FRMPD4: variants seen among roughly 807,000 people sequenced by gnomAD.
FRMPD4 encodes the protein FERM and PDZ domain-containing protein 4.
Under a neutral mutation model 94.1 loss-of-function variants are expected in FRMPD4, and 22 were observed. That is an observed-to-expected ratio of 0.23 (90% CI 0.17 to 0.33). The LOEUF is 0.33. FRMPD4 is among the 10% of genes least tolerant of loss of function. FRMPD4 has a pLI of 1.00. For missense variants in FRMPD4, 1,111 were observed against 1,339.9 expected (o/e 0.83, Z 2.67); for synonymous variants, 631 against 548.6 (o/e 1.15, Z -2.10).
chrX:12,145,106 T>A (rs780583941), intron 1 of FRMPD4, among the ~76,000 whole-genome samples: 1 of 111,674 alleles, frequency 9.0e-6, no homozygotes, highest in East Asian at 2.8e-4. Context: ...TAATTGAAAA[T>A]AAGAACATGA....
At chrX:12,243,017 G>A (rs974527468) in intron 1 of FRMPD4, among the ~76,000 whole-genome samples, 3 of 112,320 alleles carry the variant, frequency 2.7e-5, no homozygotes, top group African/African-American at 9.7e-5. Context: ...AGAATTATAG[G>A]CATGAGCCAC....
At chrX:12,305,561 C>CT (rs5901471) in intron 1 of FRMPD4, among the ~76,000 whole-genome samples, 6 of 90,009 alleles carry the variant, frequency 6.7e-5, no homozygotes, top group African/African-American at 2.5e-4. Context: ...TTCCATAATC[C>CT]TTTTTTTTTT....
At chrX:12,082,814 T>C (rs1003357960) in intron 3 of FRMPD4, among the ~76,000 whole-genome samples, 3 of 111,895 alleles carry the variant, frequency 2.7e-5, no homozygotes, top group Middle Eastern at 4.6e-3. Context: ...TAGCGGCATT[T>C]TCCCCCTGCC....
At chrX:12,065,648 G>A (rs1387842745) in intron 3 of FRMPD4, among the ~76,000 whole-genome samples, 3 of 111,799 alleles carry the variant, frequency 2.7e-5, no homozygotes, top group Non-Finnish European at 5.6e-5. Context: ...TTCTGCTTTT[G>A]GTTTGGTGGT....
At chrX:12,129,720 T>C (rs2055532413) in intron 3 of FRMPD4, among the ~76,000 whole-genome samples, 1 of 111,739 alleles carries the variant, frequency 8.9e-6, no homozygotes, top group African/African-American at 3.3e-5. Flanking sequence ...ATACATGTGT[T>C]TGAGGACTTC....
intron 2 of FRMPD4, among the ~76,000 whole-genome samples, chrX:12,599,369 T>C (rs1008868510): frequency 1.8e-5 from 2 of 111,852 alleles, no homozygotes; most frequent in African/African-American, 6.5e-5. Flanking sequence ...GCAATAATTA[T>C]GTTCTCTGTA....
intron 3 of FRMPD4, among the ~76,000 whole-genome samples, chrX:12,046,965 A>G (rs897923456): frequency 1.8e-5 from 2 of 111,414 alleles, no homozygotes; most frequent in Non-Finnish European, 3.8e-5. Context: ...CCTATCAAAC[A>G]AAAGATCCAC....
At chrX:11,919,724 T>C (rs1442630146) in intron 3 of FRMPD4, among the ~76,000 whole-genome samples, 5 of 111,389 alleles carry the variant, frequency 4.5e-5, no homozygotes, top group Admixed American at 9.5e-5. Flanking sequence ...ACTGCCTCAT[T>C]GTACTCAATT....
At chrX:12,111,053 A>G (rs1337691302) in intron 3 of FRMPD4, among the ~76,000 whole-genome samples, 15 of 111,602 alleles carry the variant, frequency 1.3e-4, no homozygotes, top group African/African-American at 2.0e-4. Flanking sequence ...TTTCTTCACA[A>G]AATTGGAAAA....
At chrX:12,402,281 G>C (rs1042906577) in intron 1 of FRMPD4, among the ~76,000 whole-genome samples, 3 of 111,262 alleles carry the variant, frequency 2.7e-5, no homozygotes, top group Non-Finnish European at 3.8e-5. Context: ...GAGTGATCAG[G>C]GAAGAAGTCT....
At chrX:12,084,894 A>G (rs2055094715) in intron 3 of FRMPD4, among the ~76,000 whole-genome samples, 1 of 112,239 alleles carries the variant, frequency 8.9e-6, no homozygotes, top group Non-Finnish European at 1.9e-5. Flanking sequence ...GTGACATTTT[A>G]AATTTTGGTA....
chrX:12,473,117 G>A lies in FRMPD4; in HGVS notation c.42-25563G>A, dbSNP rs1449314983. ...CCATCAGACTAACAGCTGATCTCTC[G>A]GCAGAAACTCTACAAGCCAGAAGAG... On this transcript the variant is annotated intron_variant, in intron 1 of 16. Coordinates refer to ENST00000675598, the MANE Select transcript of FRMPD4 (RefSeq NM_001368397.1). Among the ~76,000 whole-genome samples the A allele has an allele frequency of 1.2e-3, 127 of 103,151 alleles. 9 individuals carry two copies. The highest frequency in any genetic ancestry group is 4.5e-3 in the African/African-American group (120 of 26,699). The allele number at this position is 103,151 out of a possible 115,157, so 89.6% of individuals were successfully genotyped here. A position where few individuals can be genotyped will look rare whatever the true frequency, so the allele number is the denominator to read the frequency against.
intron 3 of FRMPD4, among the ~76,000 whole-genome samples, chrX:12,056,593 A>G (rs1006922924): frequency 8.9e-6 from 1 of 111,792 alleles, no homozygotes; most frequent in African/African-American, 3.2e-5. Context: ...ACAGGAGGGC[A>G]GGAGAAGGTC....
In FRMPD4 at chrX:12,716,610, A is replaced by G; in HGVS notation, c.2151A>G (p.Ala717=). 1 of 1,211,622 alleles carries G rather than the reference A, an allele frequency of 8.3e-7. No individual in the cohort carries two copies. Among genetic ancestry groups the G allele is most frequent in the African/African-American group, 1.7e-5 (1 of 57,793 alleles). The change falls in exon 15 of 17, where the codon GCA becomes GCG. Residue 717 remains alanine (A), a synonymous_variant. Transcript: ENST00000675598. ...AGTTTGTGGAAAATTCTGTTTATGC[A>G]AACATAGGCGATGTGAAGAGCTTCC... ...GIQFVENSVY[A]NIGDVKSFQA... is the part of the protein sequence containing the mutation.
At chrX:12,436,789 A>G (rs2057071687) in intron 1 of FRMPD4, among the ~76,000 whole-genome samples, 1 of 111,675 alleles carries the variant, frequency 9.0e-6, no homozygotes, top group Admixed American at 9.5e-5. Flanking sequence ...CATATAAAGA[A>G]CAAATCAGTG....
At chrX:11,874,484 A>G (rs1244262429) in intron 2 of FRMPD4, among the ~76,000 whole-genome samples, 1 of 112,434 alleles carries the variant, frequency 8.9e-6, no homozygotes, top group Non-Finnish European at 1.9e-5. Flanking sequence ...ATATTGTATT[A>G]GGCATTATAA....
intron 1 of FRMPD4, among the ~76,000 whole-genome samples, chrX:12,298,249 A>C (rs1209443568): frequency 2.7e-5 from 3 of 112,382 alleles, no homozygotes; most frequent in Non-Finnish European, 5.6e-5. Context: ...GGTGCTAATA[A>C]GTGTGCTGTG....
intron 1 of FRMPD4, among the ~76,000 whole-genome samples, chrX:12,481,380 C>T (rs1027708507): frequency 9.0e-6 from 1 of 111,435 alleles, no homozygotes; most frequent in African/African-American, 3.3e-5. Flanking sequence ...TATTCTCCCA[C>T]ATCAGACCCA....
intron 3 of FRMPD4, among the ~76,000 whole-genome samples, chrX:12,050,940 T>C (rs747524722): frequency 6.3e-5 from 7 of 111,494 alleles, no homozygotes; most frequent in African/African-American, 2.0e-4. Flanking sequence ...GGAGAATGGA[T>C]AGATAAATTG....
Sources: allele counts gnomAD v4.1 joint callset (sites outside exome capture counted in the v4.1 genomes callset), GRCh38; gene constraint gnomAD v4.1.1; transcripts MANE v1.5; gene names NCBI Gene and HGNC (gene_info 2026-07-23, HGNC 2026-07-21).